Variants in DDX42 observed in about 807,000 individuals in gnomAD.
DDX42 encodes the protein DEAD-box helicase 42.
In DDX42, 22 loss-of-function variants were observed where a neutral mutation model predicts 101.5. That is an observed-to-expected ratio of 0.22 (90% CI 0.15 to 0.31). The LOEUF (loss-of-function observed/expected upper bound fraction) is 0.31. DDX42 is among the 10% of genes least tolerant of loss of function. DDX42 has a pLI of 1.00. For synonymous variants in DDX42, 402 were observed against 401.2 expected (o/e 1.00, Z -0.02); for missense variants, 849 against 1,199.9 (o/e 0.71, Z 4.32).
chr17:63,805,730 C>G (rs187090552), intron 7 of DDX42: 1 of 152,832 alleles, frequency 6.5e-6, no homozygotes, highest in African/African-American at 2.4e-5. Flanking sequence ...GCTATCTACT[C>G]TAATATAGAC....
intron 1 of DDX42, among the ~76,000 whole-genome samples, chr17:63,782,973 C>G (rs2039506795): frequency 6.6e-6 from 1 of 152,122 alleles, no homozygotes; most frequent in Non-Finnish European, 1.5e-5. Context: ...CTGCACTGAA[C>G]TATTTCTTGT....
intron 8 of DDX42, among the ~76,000 whole-genome samples, chr17:63,807,032 A>G (rs1598339010): frequency 1.3e-5 from 2 of 152,212 alleles, no homozygotes; most frequent in South Asian, 4.1e-4. Context: ...TATGCAGAAC[A>G]TTCTCATTTT....
chr17:63,779,466 G>A (rs1321952210), intron 1 of DDX42, among the ~76,000 whole-genome samples: 2 of 152,064 alleles, frequency 1.3e-5, no homozygotes, highest in Non-Finnish European at 2.9e-5. Context: ...GTCTTTCATT[G>A]TTGTCCAGGC....
In DDX42 at chr17:63,805,118, G is replaced by C; in HGVS notation, c.669G>C (p.Glu223Asp). ...AAAACTTTTACAATGAGCATGAAGAGATAACCAACCTCACTCCACAGCAGT... is the reference window on the plus strand; with the variant it reads ...AAAACTTTTACAATGAGCATGAAGACATAACCAACCTCACTCCACAGCAGT... Reference protein sequence around the residue: ...FEKNFYNEHEEITNLTPQQLI... With the variant: ...FEKNFYNEHEDITNLTPQQLI... The change falls in exon 7 of 18, where the codon GAG (glutamate) becomes GAC (aspartate). Residue 223 changes from glutamate (E) to aspartate (D), a missense_variant. Coordinates refer to ENST00000389924, the MANE Select transcript of DDX42 (RefSeq NM_203499.3). 1 of 1,613,124 alleles carries C rather than the reference G, an allele frequency of 6.2e-7. No homozygotes were observed. The highest frequency in any genetic ancestry group is 1.1e-5 in the South Asian group (1 of 90,722).
chr17:63,817,214 GGT>G, intron 17 of DDX42: 1 of 471,782 alleles, frequency 2.1e-6, no homozygotes, highest in Non-Finnish European at 3.8e-6. Flanking sequence ...CCTGCAGCAG[GGT>G]GTGTGTTCCC....
rs1424800598 is a variant in DDX42, at chr17:63,819,129, C to T, written c.*731C>T. On this transcript the variant is annotated 3_prime_UTR_variant, in exon 18 of 18. Coordinates refer to ENST00000389924, the MANE Select transcript of DDX42 (RefSeq NM_203499.3). Reference sequence around the variant, plus strand: ...ACAGCTTTTAAAGTGTCTTCTATCTCATTGTATTTTTTTTAACTTGCCCCA... The same window carrying T: ...ACAGCTTTTAAAGTGTCTTCTATCTTATTGTATTTTTTTTAACTTGCCCCA... 1.3e-5 allele frequency: 2 copies of T among 152,442 alleles called. No individual in the cohort carries two copies. The highest frequency in any genetic ancestry group is 2.9e-5 in the Non-Finnish European group (2 of 68,014). 9.4% of individuals were successfully genotyped at this position (152,442 alleles called of 1,614,324 possible).
At chr17:63,813,944 A>G (rs899135381) in intron 15 of DDX42, among the ~76,000 whole-genome samples, 4 of 151,898 alleles carry the variant, frequency 2.6e-5, no homozygotes, top group Non-Finnish European at 5.9e-5. Context: ...GGTTCAAGCA[A>G]TTCTCCTGCC....
rs117646023 is a variant in DDX42, at chr17:63,794,179, G to A, written c.372+1617G>A. Among the ~76,000 whole-genome samples the A allele has an allele frequency of 3.5e-4, 53 of 152,062 alleles. 1 individual carries two copies. In the East Asian group the frequency reaches 8.9e-3, roughly 25 times the overall value. On this transcript the variant is annotated intron_variant, in intron 3 of 17. Coordinates refer to ENST00000389924, the MANE Select transcript of DDX42 (RefSeq NM_203499.3). ...TTTAGGCTCTCTGCTGTCTTATTAG[G>A]TAGTATACAGCTACAGGTTAATTAG...
intron 1 of DDX42, among the ~76,000 whole-genome samples, chr17:63,781,241 A>G (rs924725320): frequency 3.3e-5 from 5 of 152,016 alleles, no homozygotes; most frequent in Non-Finnish European, 5.9e-5. Context: ...TTTTTGAGAC[A>G]GAGTCTCGCA....
intron 7 of DDX42, 189 bp from the exon 8 acceptor site, chr17:63,806,346 T>G: frequency 2.4e-6 from 1 of 419,862 alleles, no homozygotes; most frequent in Non-Finnish European, 4.0e-6. Context: ...TATCATGGAG[T>G]TTTTAATATG....
intron 4 of DDX42, among the ~76,000 whole-genome samples, chr17:63,798,888 G>T (rs1402826513): frequency 6.6e-6 from 1 of 152,140 alleles, no homozygotes; most frequent in Non-Finnish European, 1.5e-5. Context: ...CCTTCCACCT[G>T]CCCTGCACTG....
chr17:63,776,925 T>A (rs981474503), intron 1 of DDX42, among the ~76,000 whole-genome samples: 8 of 152,220 alleles, frequency 5.3e-5, no homozygotes, highest in African/African-American at 1.9e-4. Context: ...TTATTTATTT[T>A]TTAGAGACTG....
At position 63,808,884 on chromosome 17, in the gene DDX42, G is replaced by C; in HGVS notation, c.1088G>C (p.Gly363Ala). The stretch of plus-strand genomic sequence containing the variant: ...CTTCGATCAGTGGCCGTATATGGAG[G>C]AGGGAGTATGTGGGAGCAGGCCAAG... The part of the protein sequence containing the change: ...YNLRSVAVYG[G>A]GSMWEQAKAL... Residue 363 changes from glycine (G) to alanine (A), a missense_variant, in exon 10 of 18, where the codon GGA (glycine) becomes GCA (alanine). Transcript: ENST00000389924. The C allele has an allele frequency of 6.2e-7, 1 of 1,614,114 alleles. No individual in the cohort carries two copies. The highest frequency in any genetic ancestry group is 8.5e-7 in the Non-Finnish European group (1 of 1,179,980).
chr17:63,808,704 T>C (rs1408784897), intron 9 of DDX42, 116 bp from the exon 10 acceptor site: 16 of 1,217,170 alleles, frequency 1.3e-5, no homozygotes, highest in African/African-American at 9.1e-5. Context: ...TTTTAAAGTA[T>C]GTTCTAGGTT....
chr17:63,798,201 C>T (rs975793271), intron 4 of DDX42, 102 bp downstream of exon 4: 1 of 1,002,704 alleles, frequency 1.0e-6, no homozygotes, highest in Non-Finnish European at 1.5e-6. Flanking sequence ...TTGACGTACA[C>T]TTGTGTACTT....
chr17:63,791,412 A>G (rs2039625707), intron 2 of DDX42, among the ~76,000 whole-genome samples: 1 of 152,166 alleles, frequency 6.6e-6, no homozygotes, highest in Non-Finnish European at 1.5e-5. Context: ...CCTGGGTTCA[A>G]GCAGTTCTCT....
intron 16 of DDX42, 70 bp from the exon 17 acceptor site, chr17:63,816,798 G>C (rs2039981492): frequency 1.0e-5 from 12 of 1,200,726 alleles, no homozygotes; most frequent in Admixed American, 2.7e-5. Context: ...TTTTCATAAT[G>C]AGGCCTAGTC....
chr17:63,816,861 T>C lies in DDX42; in HGVS notation c.2014-7T>C. ...TTTCATTCTCATAGATGTGTTTATT[T>C]TTTTAGGATCGAGGAAATAACAATG... On this transcript the variant is annotated splice_region_variant and splice_polypyrimidine_tract_variant and intron_variant, in intron 16 of 17. Coordinates refer to ENST00000389924, the MANE Select transcript of DDX42 (RefSeq NM_203499.3). 6.2e-7 allele frequency: 1 copy of C among 1,610,072 alleles called. No homozygotes were observed. Among genetic ancestry groups the C allele is most frequent in the South Asian group, 1.1e-5 (1 of 90,586 alleles).
chr17:63,791,693 G>T (rs1350226414), intron 2 of DDX42, among the ~76,000 whole-genome samples: 5 of 152,140 alleles, frequency 3.3e-5, no homozygotes, highest in African/African-American at 1.2e-4. Flanking sequence ...GGTCTTAAAA[G>T]AATATCTCAA....
Sources: gnomAD v4.1 joint callset for allele counts (sites outside exome capture counted in the v4.1 genomes callset) on GRCh38, gnomAD v4.1.1 for gene constraint, MANE v1.5 for transcripts, NCBI Gene and HGNC (gene_info 2026-07-23, HGNC 2026-07-21) for gene names.